Variants in ZMYM4 observed in about 807,000 individuals in gnomAD.
ZMYM4 encodes the protein zinc finger MYM-type protein 4.
ZMYM4 carries 31 observed loss-of-function variants against 183.2 expected under a neutral mutation model. That is an observed-to-expected ratio of 0.17 (90% CI 0.13 to 0.23). The LOEUF (loss-of-function observed/expected upper bound fraction) is 0.23. Ranked by LOEUF, ZMYM4 falls within the 10% of genes least tolerant of loss-of-function variation. The pLI is 1.00. For missense variants in ZMYM4, 1,273 were observed against 1,840.3 expected, an observed-to-expected ratio of 0.69 and a Z score of 5.64; for synonymous variants, 592 against 631.2, an observed-to-expected ratio of 0.94 and a Z score of 0.93.
chr1:35,343,027 T>G (rs1570395632), intron 2 of ZMYM4, among the ~76,000 whole-genome samples: 1 of 152,104 alleles, frequency 6.6e-6, no homozygotes, highest in Non-Finnish European at 1.5e-5. Flanking sequence ...TCTCAATAGA[T>G]AGACTGATAG....
intron 1 of ZMYM4, among the ~76,000 whole-genome samples, chr1:35,324,109 T>A (rs1223375937): frequency 6.6e-6 from 1 of 152,180 alleles, no homozygotes; most frequent in Non-Finnish European, 1.5e-5. Flanking sequence ...CTTTGGTATT[T>A]AGTGGGCCCA....
intron 1 of ZMYM4, among the ~76,000 whole-genome samples, chr1:35,286,448 A>G (rs1640489732): frequency 6.6e-6 from 1 of 152,168 alleles, no homozygotes; most frequent in Non-Finnish European, 1.5e-5. Context: ...TTGTTTTGCA[A>G]GACGCCTCAG....
chr1:35,300,209 AT>A (rs1340286221), intron 1 of ZMYM4, among the ~76,000 whole-genome samples: 2 of 152,040 alleles, frequency 1.3e-5, no homozygotes, highest in East Asian at 1.9e-4. Context: ...TTTCCTTTTG[AT>A]TTAGCTCTGG....
At chr1:35,407,078 G>T (rs1450955784) in intron 25 of ZMYM4, among the ~76,000 whole-genome samples, 1 of 152,106 alleles carries the variant, frequency 6.6e-6, no homozygotes, top group African/African-American at 2.4e-5. Context: ...CATTTCCAAA[G>T]GCAAGAGGGT....
At chr1:35,361,370 T>C in intron 4 of ZMYM4, 115 bp downstream of exon 4, 1 of 1,049,586 alleles carries the variant, frequency 9.5e-7, no homozygotes, top group Non-Finnish European at 1.3e-6. Context: ...TTTTTTTTTT[T>C]AATTTGCTTA....
intron 1 of ZMYM4, among the ~76,000 whole-genome samples, chr1:35,307,995 A>G (rs1011462759): frequency 4.6e-5 from 7 of 150,928 alleles, no homozygotes; most frequent in African/African-American, 1.5e-4. Flanking sequence ...GCACCCGGCT[A>G]ATTTTTTAAT....
At chr1:35,324,513 C>T (rs1057444958) in intron 1 of ZMYM4, among the ~76,000 whole-genome samples, 4 of 152,166 alleles carry the variant, frequency 2.6e-5, no homozygotes, top group African/African-American at 4.8e-5. Context: ...CTTTTATTTT[C>T]TCTTCATATT....
intron 2 of ZMYM4, among the ~76,000 whole-genome samples, chr1:35,356,597 T>G (rs1380187277): frequency 6.6e-6 from 1 of 152,250 alleles, no homozygotes; most frequent in East Asian, 1.9e-4. Flanking sequence ...CATTATGGAC[T>G]CAAATCATTA....
chr1:35,402,147 A>G lies in ZMYM4; in HGVS notation c.3528+2571A>G, dbSNP rs1384456814. 2.0e-5 allele frequency among the ~76,000 whole-genome samples: 3 copies of G among 151,140 alleles called. No homozygotes were observed. In the South Asian group the frequency reaches 6.3e-4, roughly 32 times the overall value. On this transcript the variant is annotated intron_variant, in intron 23 of 29. Coordinates refer to ENST00000314607, the MANE Select transcript of ZMYM4 (RefSeq NM_005095.3). The stretch of plus-strand genomic sequence containing the variant: ...AAAAAAAAAAAAAAAGGCTGCTAGA[A>G]TTTCAGTTGGGGCTGTCCTGAATCC...
intron 1 of ZMYM4, among the ~76,000 whole-genome samples, chr1:35,299,788 C>T (rs1641190286): frequency 6.6e-6 from 1 of 151,238 alleles, no homozygotes; most frequent in African/African-American, 2.4e-5. Context: ...TTCTTTCTTT[C>T]TTTCTTTTCT....
chr1:35,377,238 C>T (rs1288770992), intron 7 of ZMYM4, among the ~76,000 whole-genome samples: 1 of 152,126 alleles, frequency 6.6e-6, no homozygotes, highest in Non-Finnish European at 1.5e-5. Context: ...CTAAGGGTTT[C>T]GTTAATGTCT....
intron 5 of ZMYM4, among the ~76,000 whole-genome samples, chr1:35,364,895 C>T (rs1644032009): frequency 6.6e-6 from 1 of 152,106 alleles, no homozygotes; most frequent in Non-Finnish European, 1.5e-5. Flanking sequence ...ATTTAACTTC[C>T]TCTACCCATT....
chr1:35,391,278 G>A (rs767420447), intron 15 of ZMYM4, among the ~76,000 whole-genome samples: 7 of 152,242 alleles, frequency 4.6e-5, no homozygotes, highest in African/African-American at 9.6e-5. Context: ...GAATGTAGCC[G>A]TGCTCCTGGG....
Position 35,392,270 on chromosome 1 carries a change from G to C in ZMYM4, c.2646G>C (p.Ser882=), listed in dbSNP as rs1010813335. Residue 882 remains serine, a synonymous_variant, in exon 16 of 30, where the codon TCG becomes TCC. Transcript: ENST00000314607. ...GACCCCCATCTCTGAGAAAAGATTC[G>C]ACTCCAGTTATAGCCAATGTAGTAT... ...SAGPPSLRKD[S]TPVIANVVSL... 6 of 1,614,076 alleles carry C rather than the reference G, an allele frequency of 3.7e-6. No individual in the cohort carries two copies. Among genetic ancestry groups the C allele is most frequent in the Non-Finnish European group, 5.1e-6 (6 of 1,180,010 alleles).
At position 35,404,793 on chromosome 1, in the gene ZMYM4, A is replaced by G. The variant is rs370858827; in HGVS notation, c.3529-230A>G. Reference sequence around the variant, plus strand: ...CATAGTAAATACCCAAATGTTAGTGATTATTACAGTGTGCTCTTCTGCATT... The same window carrying G: ...CATAGTAAATACCCAAATGTTAGTGGTTATTACAGTGTGCTCTTCTGCATT... On this transcript the variant is annotated intron_variant, in intron 23 of 29. Coordinates refer to ENST00000314607, the MANE Select transcript of ZMYM4 (RefSeq NM_005095.3). The G allele has an allele frequency of 6.6e-5, 24 of 361,764 alleles. No individual in the cohort carries two copies. The East Asian group carries it at 6.6e-4, about 10-fold the overall frequency. The allele number at this position is 361,764 out of a possible 1,614,324, so 22.4% of individuals were successfully genotyped here. A position where few individuals can be genotyped will look rare whatever the true frequency, so the allele number is the denominator to read the frequency against.
intron 13 of ZMYM4, 125 bp downstream of exon 13, chr1:35,387,729 T>A: frequency 1.0e-6 from 1 of 974,448 alleles, no homozygotes; most frequent in Non-Finnish European, 1.5e-6. Context: ...AAATGCCTTT[T>A]CGATTCATTT....
intron 10 of ZMYM4, 106 bp downstream of exon 10, chr1:35,385,698 A>C: frequency 7.8e-7 from 1 of 1,278,432 alleles, no homozygotes. Flanking sequence ...CATTTAACAT[A>C]TTTCAGATAT....
chr1:35,327,205 ATGT>A (rs1226952418), intron 2 of ZMYM4, among the ~76,000 whole-genome samples: 1 of 152,188 alleles, frequency 6.6e-6, no homozygotes, highest in Non-Finnish European at 1.5e-5. Flanking sequence ...ATTGAATGAA[ATGT>A]TATTAGAGGA....
chr1:35,412,816 C>T (rs572544666), intron 26 of ZMYM4, among the ~76,000 whole-genome samples: 1 of 152,006 alleles, frequency 6.6e-6, no homozygotes, highest in Non-Finnish European at 1.5e-5. Flanking sequence ...CATAAAAATG[C>T]CTATTGAAGT....
Sources: gnomAD v4.1 joint callset for allele counts (sites outside exome capture counted in the v4.1 genomes callset) on GRCh38, gnomAD v4.1.1 for gene constraint, MANE v1.5 for transcripts, NCBI Gene and HGNC (gene_info 2026-07-23, HGNC 2026-07-21) for gene names.